FOXM1: variants seen among roughly 807,000 people sequenced by gnomAD.
The protein encoded by FOXM1 is forkhead box protein M1.
In FOXM1, 25 loss-of-function variants were observed where a neutral mutation model predicts 63.6. That is an observed-to-expected ratio of 0.39 (90% CI 0.29 to 0.55). FOXM1 has a LOEUF of 0.55. Ranked by LOEUF, FOXM1 falls within the 20% of genes least tolerant of loss-of-function variation. FOXM1 has a pLI of 0.60. For missense variants in FOXM1, 879 were observed against 958.7 expected (o/e 0.92, Z 1.10); for synonymous variants, 387 against 376.9 (o/e 1.03, Z -0.31).
rs189719854 is a variant in FOXM1, at chr12:2,860,816, G to T, written c.1267-1153C>A. On this transcript the variant is annotated intron_variant, in intron 8 of 8. Coordinates refer to ENST00000359843, the MANE Select transcript of FOXM1 (RefSeq NM_021953.4). ...GAACCCGGGAGGCAGAGGTTGCCAA[G>T]ATCACACCACTGTACTTCAGCCTGG... Among the ~76,000 whole-genome samples, 134 of 148,456 alleles carry T rather than the reference G, an allele frequency of 9.0e-4. 1 individual carries two copies. The highest frequency in any genetic ancestry group is 5.9e-5 in the Non-Finnish European group (4 of 67,706).
rs749656919 is a variant in FOXM1, at chr12:2,858,926, G to T, written c.2004C>A (p.Pro668=). The T allele has an allele frequency of 1.7e-5, 28 of 1,613,680 alleles. No individual in the cohort carries two copies. The highest frequency in any genetic ancestry group is 2.3e-5 in the Non-Finnish European group (27 of 1,180,006). ...DLSTTPLQSA[P]PLESPQRLLS... ...GGAGCCTTTGCGGTGATTCAAGGGG[G>T]GGAGCACTTTGCAAGGGAGTGGTGC... is the stretch of plus-strand genomic sequence containing the variant. Residue 668 remains proline (P), a synonymous_variant, in exon 9 of 9, where the codon CCC becomes CCA. Transcript: ENST00000359843.
chr12:2,873,722 C>T (rs758841454), intron 2 of FOXM1, among the ~76,000 whole-genome samples: 2 of 151,928 alleles, frequency 1.3e-5, no homozygotes, highest in African/African-American at 2.4e-5. Flanking sequence ...GGACTACAGA[C>T]GTGTGCCACC....
intron 8 of FOXM1, among the ~76,000 whole-genome samples, chr12:2,862,881 C>T (rs1253141398): frequency 6.6e-6 from 1 of 151,056 alleles, no homozygotes; most frequent in Non-Finnish European, 1.5e-5. Flanking sequence ...AAACCCAAGT[C>T]GCTCTAAACT....
chr12:2,859,532 A>T lies in FOXM1; in HGVS notation c.1398T>A (p.Pro466=). 4 of 1,614,056 alleles carry T rather than the reference A, an allele frequency of 2.5e-6. No homozygotes were observed. The highest frequency in any genetic ancestry group is 3.4e-6 in the Non-Finnish European group (4 of 1,179,978). The stretch of plus-strand genomic sequence containing the variant: ...TCGCTAAGTGTGGCATTTCCTCCCC[A>T]GGCTGGATTTCTTCCTCCTTGATAG... ...VQTIKEEEIQ[P]GEEMPHLARP... The change falls in exon 9 of 9, where the codon CCT becomes CCA. Residue 466 remains proline (P), a synonymous_variant. Coordinates refer to ENST00000359843, the MANE Select transcript of FOXM1 (RefSeq NM_021953.4).
chr12:2,875,461 T>G (rs2098141018), intron 1 of FOXM1, among the ~76,000 whole-genome samples: 1 of 152,228 alleles, frequency 6.6e-6, no homozygotes, highest in African/African-American at 2.4e-5. Flanking sequence ...GTTGTGCAGC[T>G]TGTGCACTGA....
At position 2,864,822 on chromosome 12, in the gene FOXM1, C is replaced by G. The variant is rs1421683227; in HGVS notation, c.1021-70G>C. On this transcript the variant is annotated intron_variant, in intron 6 of 8. Transcript: ENST00000359843. The surrounding 1 kb of genome is among the most constrained non-coding windows in gnomAD (Gnocchi z 5.1). ...ATAAGGTAAAGAGGGGATGGCAAAACCCCACCAGCTGCTCTGGTGGTGTGT... is the reference window on the plus strand; with the variant it reads ...ATAAGGTAAAGAGGGGATGGCAAAAGCCCACCAGCTGCTCTGGTGGTGTGT... 11 of 1,517,796 alleles carry G rather than the reference C, an allele frequency of 7.2e-6. No homozygotes were observed. Among genetic ancestry groups the G allele is most frequent in the Non-Finnish European group, 1.0e-5 (11 of 1,093,152 alleles). 94.0% of individuals were successfully genotyped at this position (1,517,796 alleles called of 1,614,324 possible).
At chr12:2,876,468 G>C (rs998708098) in intron 1 of FOXM1, 3 of 152,194 alleles carry the variant, frequency 2.0e-5, no homozygotes, top group African/African-American at 7.2e-5. Flanking sequence ...CCTGAGCGGG[G>C]AAATCTTGCT....
rs2098097745 is a variant in FOXM1, at chr12:2,858,656, A to G, written c.2274T>C (p.Phe758=). 1 of 1,613,982 alleles carries G rather than the reference A, an allele frequency of 6.2e-7. No homozygotes were observed. The highest frequency in any genetic ancestry group is 2.2e-5 in the East Asian group (1 of 44,838). The change falls in exon 9 of 9, where the codon TTT becomes TTC. Residue 758 remains phenylalanine (F), a synonymous_variant. Transcript: ENST00000359843. ...CAGGGCTCTACTGTAGCTCAGGAAT[A>G]AACTGGGACCAGTTGATGTTGTCAG... ...LGPDNINWSQ[F]IPELQ
chr12:2,873,827 C>G, intron 2 of FOXM1, 150 bp downstream of exon 2: 1 of 849,056 alleles, frequency 1.2e-6, no homozygotes, highest in Non-Finnish European at 1.8e-6. Flanking sequence ...ATCCGCCCGC[C>G]TCAGCCTCCC....
chr12:2,865,816 C>T (rs2098122243), intron 5 of FOXM1, among the ~76,000 whole-genome samples: 3 of 152,088 alleles, frequency 2.0e-5, no homozygotes, highest in Admixed American at 6.6e-5. Flanking sequence ...CCACACCCAG[C>T]TAATTTTTGT....
chr12:2,869,426 C>T (rs190400007), intron 3 of FOXM1, among the ~76,000 whole-genome samples: 324 of 151,804 alleles, frequency 2.1e-3, no homozygotes, highest in Middle Eastern at 0.01. Flanking sequence ...TACACCACCA[C>T]GCCCAGCTAA....
At position 2,872,041 on chromosome 12, in the gene FOXM1, C is replaced by G; in HGVS notation, c.654+55G>C. 6.3e-7 allele frequency: 1 copy of G among 1,595,634 alleles called. No homozygotes were observed. The highest frequency in any genetic ancestry group is 1.1e-5 in the South Asian group (1 of 90,656). ...CAGGCCACTTGATCCATTTCCCTACCTAGGAATTCCCTACACTGGATCTGA... is the reference window on the plus strand; with the variant it reads ...CAGGCCACTTGATCCATTTCCCTACGTAGGAATTCCCTACACTGGATCTGA... On this transcript the variant is annotated intron_variant, in intron 3 of 8. Transcript: ENST00000359843. This position sits in a 1 kb window ranked among gnomAD's most constrained non-coding sequence, Gnocchi z 4.0.
At position 2,864,291 on chromosome 12, in the gene FOXM1, C is replaced by A. The variant is rs1404319362; in HGVS notation, c.1266+29G>T. On this transcript the variant is annotated intron_variant, in intron 8 of 8. Coordinates refer to ENST00000359843, the MANE Select transcript of FOXM1 (RefSeq NM_021953.4). This position sits in a 1 kb window ranked among gnomAD's most constrained non-coding sequence, Gnocchi z 5.1. ...TCCAACATTCTTAATTGGCCAGAATCTCTCTTCAGAGGAAAATAGGACACC... is the reference window on the plus strand; with the variant it reads ...TCCAACATTCTTAATTGGCCAGAATATCTCTTCAGAGGAAAATAGGACACC... 6.3e-7 allele frequency: 1 copy of A among 1,582,082 alleles called. No individual in the cohort carries two copies. The highest frequency in any genetic ancestry group is 2.3e-5 in the East Asian group (1 of 44,366).
In FOXM1 at chr12:2,858,643, G is replaced by C; in HGVS notation, c.2287C>G (p.Gln763Glu). Reference protein sequence around the residue: ...INWSQFIPELQ With the variant: ...INWSQFIPELE ...ACAGGGGCAAGGGCAGGGCTCTACT[G>C]TAGCTCAGGAATAAACTGGGACCAG... is the stretch of plus-strand genomic sequence containing the variant. The change falls in exon 9 of 9, where the codon CAG (glutamine) becomes GAG (glutamate). Residue 763 changes from glutamine (Q) to glutamate (E), a missense_variant. This residue lies in a region of FOXM1 where 486 missense variants were observed against 453.5 expected (regional missense o/e 1.07). Coordinates refer to ENST00000359843, the MANE Select transcript of FOXM1 (RefSeq NM_021953.4). 6 of 1,613,588 alleles carry C rather than the reference G, an allele frequency of 3.7e-6. No individual in the cohort carries two copies. Among genetic ancestry groups the C allele is most frequent in the Non-Finnish European group, 5.1e-6 (6 of 1,179,728 alleles).
In FOXM1 at chr12:2,864,206, A is replaced by T; in HGVS notation, c.1266+114T>A. ...TTCCCTATGTTTTTATGCCTTTTCTACCCAACTAGATTTATAAGCTCTCAA... is the reference window on the plus strand; with the variant it reads ...TTCCCTATGTTTTTATGCCTTTTCTTCCCAACTAGATTTATAAGCTCTCAA... On this transcript the variant is annotated intron_variant, in intron 8 of 8. Transcript: ENST00000359843. This position sits in a 1 kb window ranked among gnomAD's most constrained non-coding sequence, Gnocchi z 5.1. The T allele has an allele frequency of 1.1e-6, 1 of 937,460 alleles. No individual in the cohort carries two copies. Among genetic ancestry groups the T allele is most frequent in the Non-Finnish European group, 1.6e-6 (1 of 618,718 alleles). 58.1% of individuals were successfully genotyped at this position (937,460 alleles called of 1,614,324 possible). A position where few individuals can be genotyped will look rare whatever the true frequency, so the allele number is the denominator to read the frequency against.
rs759834733 is a variant in FOXM1, at chr12:2,864,898, C to T, written c.1021-146G>A. 5.7e-5 allele frequency: 46 copies of T among 811,002 alleles called. No homozygotes were observed. The highest frequency in any genetic ancestry group is 4.6e-4 in the African/African-American group (27 of 59,008). The allele number at this position is 811,002 out of a possible 1,614,324, so 50.2% of individuals were successfully genotyped here. ...GAGGAGGCCAACCTGAGGGGATGGA[C>T]GTAGGCGAGCAGTCTCCAAAACTGT... On this transcript the variant is annotated intron_variant, in intron 6 of 8. Transcript: ENST00000359843. This position sits in a 1 kb window ranked among gnomAD's most constrained non-coding sequence, Gnocchi z 5.1.
At chr12:2,863,135 C>T (rs1466689066) in intron 8 of FOXM1, among the ~76,000 whole-genome samples, 1 of 152,086 alleles carries the variant, frequency 6.6e-6, no homozygotes, top group Non-Finnish European at 1.5e-5. Context: ...TTTGGATTGC[C>T]GCGCCTGTGG....
rs562713778 is a variant in FOXM1 at position 2,858,374 on chromosome 12, T to C, written c.*264A>G. 20 of 450,894 alleles carry C rather than the reference T, an allele frequency of 4.4e-5. No homozygotes were observed. Among genetic ancestry groups the C allele is most frequent in the Admixed American group, 3.3e-4 (9 of 27,070 alleles). The allele number at this position is 450,894 out of a possible 1,614,324, so 27.9% of individuals were successfully genotyped here. ...AGAGAATGGAAACAGGCTGGGGGGT[T>C]CCTAATCTCTTTTCACCATTGCCTT... On this transcript the variant is annotated 3_prime_UTR_variant, in exon 9 of 9. Coordinates refer to ENST00000359843, the MANE Select transcript of FOXM1 (RefSeq NM_021953.4).
chr12:2,858,325 A>G lies in FOXM1; in HGVS notation c.*313T>C. On this transcript the variant is annotated 3_prime_UTR_variant, in exon 9 of 9. Coordinates refer to ENST00000359843, the MANE Select transcript of FOXM1 (RefSeq NM_021953.4). Reference sequence around the variant, plus strand: ...TTACACGGACCACCCTGCAAAGATCAGGGAAGGTAAGAGACTGCTGGGCAG... The same window carrying G: ...TTACACGGACCACCCTGCAAAGATCGGGGAAGGTAAGAGACTGCTGGGCAG... The G allele has an allele frequency of 2.9e-6, 1 of 346,044 alleles. No homozygotes were observed. The highest frequency in any genetic ancestry group is 5.3e-6 in the Non-Finnish European group (1 of 189,838). The allele number at this position is 346,044 out of a possible 1,614,324, so 21.4% of individuals were successfully genotyped here.
Sources: gnomAD v4.1 joint callset for allele counts (sites outside exome capture counted in the v4.1 genomes callset) on GRCh38, gnomAD v4.1.1 for gene constraint, gnomAD v4.1.1 regional missense constraint, Gnocchi (gnomAD v3.1) non-coding constraint, MANE v1.5 for transcripts, NCBI Gene and HGNC (gene_info 2026-07-23, HGNC 2026-07-21) for gene names.